Variants in ZDHHC4 observed in about 807,000 individuals in gnomAD.
ZDHHC4 encodes the protein palmitoyltransferase ZDHHC4.
ZDHHC4 carries 42 observed loss-of-function variants against 36.7 expected under a neutral mutation model. The observed-to-expected ratio is 1.14, with a 90% CI of 0.89 to 1.48. The LOEUF (loss-of-function observed/expected upper bound fraction) is 1.48, where lower values mean the gene tolerates loss of function less well. ZDHHC4 is among the 40% of genes most tolerant of loss of function. The pLI is 0.00. For missense variants in ZDHHC4, 457 were observed against 421.5 expected, an observed-to-expected ratio of 1.08 and a Z score of -0.74; for synonymous variants, 189 against 166.6, an observed-to-expected ratio of 1.13 and a Z score of -1.03.
At chr7:6,582,333 C>G (rs1007555895) in intron 5 of ZDHHC4, 82 bp downstream of exon 5, 1 of 1,255,086 alleles carries the variant, frequency 8.0e-7, no homozygotes, top group East Asian at 2.4e-5. Context: ...GAGGCCCCCC[C>G]TGAGGACTTT....
chr7:6,580,873 G>A (rs1158675154), intron 3 of ZDHHC4, 195 bp downstream of exon 3: 6 of 588,190 alleles, frequency 1.0e-5, no homozygotes, highest in Admixed American at 3.0e-5. Flanking sequence ...CTATGATCAC[G>A]CCACTGCACT....
chr7:6,581,276 G>C (rs1292709192), intron 3 of ZDHHC4, among the ~76,000 whole-genome samples: 2 of 152,208 alleles, frequency 1.3e-5, no homozygotes, highest in Admixed American at 6.5e-5. Flanking sequence ...ATCTGGGTGT[G>C]GATGCTGGAA....
At position 6,588,659 on chromosome 7, in the gene ZDHHC4, T is replaced by G. The variant is rs1249594277; in HGVS notation, c.784T>G (p.Phe262Val). ...TFPRIVFMLG[F>V]VVVLSFLLGG... is the part of the protein sequence containing the mutation. ...TCCACGGATTGTCTTCATGCTGGGC[T>G]TTGTCGTGGTTCTGAGCTTCCTCCT... The change falls in exon 8 of 8, where the codon TTT becomes GTT. Residue 262 changes from phenylalanine to valine, a missense_variant. Coordinates refer to ENST00000335965, the MANE Select transcript of ZDHHC4 (RefSeq NM_001134389.2). 2 of 1,614,220 alleles carry G rather than the reference T, an allele frequency of 1.2e-6. No homozygotes were observed. Among genetic ancestry groups the G allele is most frequent in the South Asian group, 2.2e-5 (2 of 91,082 alleles).
intron 7 of ZDHHC4, among the ~76,000 whole-genome samples, chr7:6,587,787 A>G (rs1423315653): frequency 6.6e-6 from 1 of 152,256 alleles, no homozygotes; most frequent in African/African-American, 2.4e-5. Flanking sequence ...TGGGAGGTCA[A>G]GGCAGGAGGA....
chr7:6,581,801 A>G, intron 4 of ZDHHC4, 121 bp downstream of exon 4: 1 of 881,560 alleles, frequency 1.1e-6, no homozygotes. Context: ...AGAAGGCCGG[A>G]AAGAATCACG....
At position 6,585,174 on chromosome 7, in the gene ZDHHC4, T is replaced by G. The variant is rs768782858; in HGVS notation, c.655T>G (p.Leu219Val). The part of the protein sequence containing the change: ...AIVSTTFLVH[L>V]VVMSDLYQET... The stretch of plus-strand genomic sequence containing the variant: ...TGTGAGCACCACTTTTCTGGTCCAC[T>G]TGGTGGTGATGTCAGATTTATACCA... The change falls in exon 7 of 8, where the codon TTG becomes GTG. Residue 219 changes from leucine to valine, a missense_variant. Physicochemically the swap from Leu to Val is conservative, Grantham distance 32 (BLOSUM62 1). Coordinates refer to ENST00000335965, the MANE Select transcript of ZDHHC4 (RefSeq NM_001134389.2). 1 of 1,614,204 alleles carries G rather than the reference T, an allele frequency of 6.2e-7. No homozygotes were observed. The highest frequency in any genetic ancestry group is 8.5e-7 in the Non-Finnish European group (1 of 1,180,024).
chr7:6,579,020 C>T (rs566953080), intron 2 of ZDHHC4, among the ~76,000 whole-genome samples: 40 of 152,096 alleles, frequency 2.6e-4, no homozygotes, highest in African/African-American at 8.9e-4. Context: ...ATGGGGGTCT[C>T]GCTTTGTTGC....
At position 6,581,676 on chromosome 7, in the gene ZDHHC4, A is replaced by G; in HGVS notation, c.187A>G (p.Thr63Ala). Reference protein sequence around the residue: ...VHGLLHYLFHTRNHTFIVLHL... With the variant: ...VHGLLHYLFHARNHTFIVLHL... ...TGGATTGCTTCATTACCTTTTCCAT[A>G]CGAGGTATTTCTCTTTCAGAGTTTA... is the stretch of plus-strand genomic sequence containing the variant. Residue 63 changes from threonine (T) to alanine (A), a missense_variant, in exon 4 of 8, where the codon ACG (threonine) becomes GCG (alanine). Coordinates refer to ENST00000335965, the MANE Select transcript of ZDHHC4 (RefSeq NM_001134389.2). 1 of 1,603,730 alleles carries G rather than the reference A, an allele frequency of 6.2e-7. No homozygotes were observed. Among genetic ancestry groups the G allele is most frequent in the Non-Finnish European group, 8.5e-7 (1 of 1,171,434 alleles).
intron 3 of ZDHHC4, chr7:6,581,200 G>C (rs1372691207): frequency 4.0e-6 from 1 of 250,088 alleles, no homozygotes; most frequent in African/African-American, 2.3e-5. Flanking sequence ...ATCAAAGTGA[G>C]CAAAACGGGG....
intron 4 of ZDHHC4, 140 bp from the exon 5 acceptor site, chr7:6,581,933 G>T (rs2115164849): frequency 1.1e-6 from 1 of 912,050 alleles, no homozygotes; most frequent in Non-Finnish European, 1.7e-6. Flanking sequence ...CATGCAAAAT[G>T]TTTCACATAG....
chr7:6,582,300 A>C, intron 5 of ZDHHC4, 49 bp downstream of exon 5: 1 of 1,535,576 alleles, frequency 6.5e-7, no homozygotes, highest in Non-Finnish European at 8.9e-7. Flanking sequence ...CCACTGTCTT[A>C]CTAATAGTGC....
In ZDHHC4 at chr7:6,578,649, T is replaced by C. The variant is rs1354772194; in HGVS notation, c.-79T>C. On this transcript the variant is annotated 5_prime_UTR_variant, in exon 2 of 8. Transcript: ENST00000335965. ...ACTGCTGCCCAAGAGGAGCTGCTGT[T>C]TGAATTATCTGTGAATGTTGGGAAG... is the stretch of plus-strand genomic sequence containing the variant. The C allele has an allele frequency of 1.3e-5, 2 of 152,160 alleles. No homozygotes were observed. Among genetic ancestry groups the C allele is most frequent in the Non-Finnish European group, 2.9e-5 (2 of 68,024 alleles). The allele number at this position is 152,160 out of a possible 1,614,324, so 9.4% of individuals were successfully genotyped here. A position where few individuals can be genotyped will look rare whatever the true frequency, so the allele number is the denominator to read the frequency against.
chr7:6,582,617 A>G (rs918246567), intron 5 of ZDHHC4, among the ~76,000 whole-genome samples: 1 of 152,130 alleles, frequency 6.6e-6, no homozygotes, highest in African/African-American at 2.4e-5. Flanking sequence ...TCCCGGGTTC[A>G]AGGGATTCTC....
At position 6,582,556 on chromosome 7, in the gene ZDHHC4, C is replaced by T. The variant is rs1010252911; in HGVS notation, c.370+305C>T. On this transcript the variant is annotated intron_variant, in intron 5 of 7. Coordinates refer to ENST00000335965, the MANE Select transcript of ZDHHC4 (RefSeq NM_001134389.2). ...TTCTTAAGACGGAGTCACGCTTTGT[C>T]GCCCAGGCTGCAGTGCAGTGAGGCG... Among the ~76,000 whole-genome samples, 4 of 152,262 alleles carry T rather than the reference C, an allele frequency of 2.6e-5. No individual in the cohort carries two copies. The East Asian group carries it at 5.8e-4, about 22-fold the overall frequency.
At position 6,581,678 on chromosome 7, in the gene ZDHHC4, G is replaced by A. The variant is rs777568565; in HGVS notation, c.189G>A (p.Thr63=). 3 of 1,600,818 alleles carry A rather than the reference G, an allele frequency of 1.9e-6. No homozygotes were observed. Among genetic ancestry groups the A allele is most frequent in the East Asian group, 2.2e-5 (1 of 44,806 alleles). The part of the protein sequence containing the change: ...VHGLLHYLFH[T]RNHTFIVLHL... The stretch of plus-strand genomic sequence containing the variant: ...GATTGCTTCATTACCTTTTCCATAC[G>A]AGGTATTTCTCTTTCAGAGTTTAAA... Residue 63 remains threonine (T), a splice_region_variant and synonymous_variant, in exon 4 of 8, where the codon ACG becomes ACA. Transcript: ENST00000335965.
intron 7 of ZDHHC4, among the ~76,000 whole-genome samples, chr7:6,585,683 A>G (rs1218323387): frequency 6.6e-6 from 1 of 151,836 alleles, no homozygotes; most frequent in Non-Finnish European, 1.5e-5. Flanking sequence ...GCACATGCCC[A>G]TTGTTCTAGC....
rs779287329 is a variant in ZDHHC4, at chr7:6,585,010, G to A, written c.497-6G>A. ...TCCCAGCACGTGCCCCCTTGTTTCT[G>A]TGCAGGTGTGTGTAACTGGTGTGTG... On this transcript the variant is annotated splice_region_variant and splice_polypyrimidine_tract_variant and intron_variant, in intron 6 of 7. Coordinates refer to ENST00000335965, the MANE Select transcript of ZDHHC4 (RefSeq NM_001134389.2). 6 of 1,614,024 alleles carry A rather than the reference G, an allele frequency of 3.7e-6. No individual in the cohort carries two copies. The highest frequency in any genetic ancestry group is 1.7e-6 in the Non-Finnish European group (2 of 1,179,922).
At chr7:6,585,294 C>T in intron 7 of ZDHHC4, 34 bp downstream of exon 7, 1 of 1,591,416 alleles carries the variant, frequency 6.3e-7, no homozygotes, top group Admixed American at 1.8e-5. Flanking sequence ...CTTCAAGTTT[C>T]AGAATCGCAA....
At chr7:6,585,815 C>T (rs938737230) in intron 7 of ZDHHC4, among the ~76,000 whole-genome samples, 5 of 151,678 alleles carry the variant, frequency 3.3e-5, no homozygotes, top group East Asian at 2.0e-4. Flanking sequence ...CAGAAACTAA[C>T]AAACAAACGT....
Sources: allele counts gnomAD v4.1 joint callset (sites outside exome capture counted in the v4.1 genomes callset), GRCh38; gene constraint gnomAD v4.1.1; transcripts MANE v1.5; gene names NCBI Gene and HGNC (gene_info 2026-07-23, HGNC 2026-07-21).